Variants in PSMA8 observed in about 807,000 individuals in gnomAD.
PSMA8 encodes the protein proteasome subunit alpha-type 8.
In PSMA8, 18 loss-of-function variants were observed where a neutral mutation model predicts 32.4. The ratio of observed to expected loss-of-function variants is 0.56; its 90% CI spans 0.38 to 0.82. The LOEUF (loss-of-function observed/expected upper bound fraction) is 0.82. PSMA8 is among the 40% of genes least tolerant of loss of function. The pLI is 0.00. For missense variants in PSMA8, 298 were observed against 300.7 expected (o/e 0.99, Z 0.07); for synonymous variants, 104 against 98.1 (o/e 1.06, Z -0.36).
chr18:26,189,111 A>G (rs2339049), intron 6 of PSMA8, among the ~76,000 whole-genome samples: 16,111 of 152,210 alleles, frequency 0.11, 1,383 homozygotes, highest in African/African-American at 0.22. Flanking sequence ...TTTAATAACC[A>G]GAATGTATAA....
At chr18:26,178,970 T>C (rs1274562285) in intron 5 of PSMA8, 21 bp downstream of exon 5, 11 of 1,605,928 alleles carry the variant, frequency 6.8e-6, no homozygotes, top group African/African-American at 1.3e-5. Context: ...TAATAAAGCA[T>C]ATTCAGGAAA....
chr18:26,144,725 T>A, intron 2 of PSMA8, 40 bp downstream of exon 2: 1 of 1,603,910 alleles, frequency 6.2e-7, no homozygotes, highest in Non-Finnish European at 8.5e-7. Flanking sequence ...AGTGTCTTAC[T>A]GTAGTAGGGC....
intron 1 of PSMA8, among the ~76,000 whole-genome samples, chr18:26,137,226 G>A (rs1297018502): frequency 6.6e-6 from 1 of 152,200 alleles, no homozygotes; most frequent in Non-Finnish European, 1.5e-5. Flanking sequence ...GGGAGGCTGA[G>A]GTGAGTGGAT....
At chr18:26,160,260 A>C (rs2055125023) in intron 4 of PSMA8, among the ~76,000 whole-genome samples, 1 of 152,212 alleles carries the variant, frequency 6.6e-6, no homozygotes, top group African/African-American at 2.4e-5. Context: ...AGCTAGGATC[A>C]TACCACTGCA....
intron 4 of PSMA8, among the ~76,000 whole-genome samples, chr18:26,165,653 T>C (rs1438570267): frequency 6.6e-6 from 1 of 151,648 alleles, no homozygotes; most frequent in Non-Finnish European, 1.5e-5. Context: ...GGTACTCTTC[T>C]GGACACTGGG....
rs777177735 is a variant in PSMA8 at position 26,192,387 on chromosome 18, G to GA, written c.735dup (p.Ser246IlefsTer16). 4.7e-5 allele frequency: 72 copies of GA among 1,533,038 alleles called. 1 individual carries two copies. In the South Asian group the frequency reaches 7.1e-4, roughly 15 times the overall value. The allele number at this position is 1,533,038 out of a possible 1,614,324, so 95.0% of individuals were successfully genotyped here. A position where few individuals can be genotyped will look rare whatever the true frequency, so the allele number is the denominator to read the frequency against. ...AAAAGGAAAAGGAAGAAGCAGAGAA[G>GA]AAAAAATCAAAGAAATCTGTCTAAT... On this transcript the variant is annotated frameshift_variant, in exon 7 of 7. Coordinates refer to ENST00000415576, the MANE Select transcript of PSMA8 (RefSeq NM_001025096.2). LOFTEE classifies it high-confidence loss of function.
At chr18:26,146,618 C>T (rs1268975259) in intron 2 of PSMA8, among the ~76,000 whole-genome samples, 1 of 152,032 alleles carries the variant, frequency 6.6e-6, no homozygotes, top group East Asian at 1.9e-4. Flanking sequence ...CAAAAATTAG[C>T]TGGGGATGGT....
intron 4 of PSMA8, among the ~76,000 whole-genome samples, chr18:26,175,599 T>G (rs2055257777): frequency 6.6e-6 from 1 of 152,206 alleles, no homozygotes; most frequent in Non-Finnish European, 1.5e-5. Context: ...GAGGGCTGTC[T>G]GCCATTACCA....
intron 2 of PSMA8, among the ~76,000 whole-genome samples, chr18:26,150,100 C>T (rs1462312680): frequency 6.6e-6 from 1 of 152,054 alleles, no homozygotes; most frequent in East Asian, 1.9e-4. Context: ...TCATTGGAGC[C>T]TTTTGGATTT....
chr18:26,153,588 C>T (rs1449049857), intron 3 of PSMA8, among the ~76,000 whole-genome samples: 1 of 152,104 alleles, frequency 6.6e-6, no homozygotes, highest in Non-Finnish European at 1.5e-5. Flanking sequence ...TGAGGTTGAA[C>T]TTTTTTTCCA....
chr18:26,151,532 G>A (rs900257353), intron 2 of PSMA8, among the ~76,000 whole-genome samples: 1 of 152,180 alleles, frequency 6.6e-6, no homozygotes, highest in Non-Finnish European at 1.5e-5. Context: ...CTTTGTTAAT[G>A]TAGTTTGAAT....
chr18:26,137,654 C>T (rs2054923494), intron 1 of PSMA8, among the ~76,000 whole-genome samples: 1 of 152,034 alleles, frequency 6.6e-6, no homozygotes. Context: ...TATTTCAAGA[C>T]ATTTTTGTTG....
At chr18:26,147,896 T>C (rs1374386948) in intron 2 of PSMA8, among the ~76,000 whole-genome samples, 1 of 152,166 alleles carries the variant, frequency 6.6e-6, no homozygotes, top group African/African-American at 2.4e-5. Context: ...TTTTACAGTT[T>C]TAATTCTTAA....
chr18:26,154,388 A>C (rs550016859), intron 3 of PSMA8, among the ~76,000 whole-genome samples: 1 of 152,186 alleles, frequency 6.6e-6, no homozygotes, highest in East Asian at 1.9e-4. Context: ...GATTTTCCTA[A>C]TCATTAAAAA....
In PSMA8 at chr18:26,147,464, T is replaced by C. The variant is rs1072615; in HGVS notation, c.229+2779T>C. On this transcript the variant is annotated intron_variant, in intron 2 of 6. Transcript: ENST00000415576. ...GGGAATGTATTGAAAGTAGTGCTAATAGGAAAATTTATAGCCATAAACATT... is the reference window on the plus strand; with the variant it reads ...GGGAATGTATTGAAAGTAGTGCTAACAGGAAAATTTATAGCCATAAACATT... Among the ~76,000 whole-genome samples, 550 of 152,172 alleles carry C rather than the reference T, an allele frequency of 3.6e-3. 1 individual carries two copies. The highest frequency in any genetic ancestry group is 5.7e-3 in the Non-Finnish European group (391 of 68,002).
At chr18:26,165,378 A>G (rs946154903) in intron 4 of PSMA8, among the ~76,000 whole-genome samples, 19 of 152,278 alleles carry the variant, frequency 1.2e-4, no homozygotes, top group Admixed American at 1.2e-3. Flanking sequence ...TTAATAGTTC[A>G]TGAATCCAAG....
chr18:26,156,243 G>T (rs575046203), intron 3 of PSMA8, among the ~76,000 whole-genome samples: 3 of 152,280 alleles, frequency 2.0e-5, no homozygotes, highest in Admixed American at 6.5e-5. Context: ...TAGTATGGAG[G>T]TTCCTCAGAA....
chr18:26,177,794 T>G (rs182485164), intron 4 of PSMA8, among the ~76,000 whole-genome samples: 4 of 152,350 alleles, frequency 2.6e-5, no homozygotes, highest in African/African-American at 7.2e-5. Flanking sequence ...TCAGCCCAAC[T>G]TAGGTAAATA....
intron 4 of PSMA8, among the ~76,000 whole-genome samples, chr18:26,172,116 G>T (rs1279122662): frequency 6.6e-6 from 1 of 152,172 alleles, no homozygotes; most frequent in Non-Finnish European, 1.5e-5. Flanking sequence ...ATTACCAGCT[G>T]CATAGACAAC....
Sources: gnomAD v4.1 joint callset for allele counts (sites outside exome capture counted in the v4.1 genomes callset) on GRCh38, gnomAD v4.1.1 for gene constraint, MANE v1.5 for transcripts, NCBI Gene and HGNC (gene_info 2026-07-23, HGNC 2026-07-21) for gene names.